PHACTR3: variants seen among roughly 807,000 people sequenced by gnomAD.
PHACTR3 encodes protein phosphatase 1, regulatory subunit 123.
Under a neutral mutation model 66.8 loss-of-function variants are expected in PHACTR3, and 16 were observed. The observed-to-expected ratio is 0.24, with a 90% CI of 0.16 to 0.36. The LOEUF (loss-of-function observed/expected upper bound fraction) is 0.36, where lower values mean the gene tolerates loss of function less well. PHACTR3 is among the 10% of genes least tolerant of loss of function. The probability of loss-of-function intolerance (pLI) is 1.00; values close to 1 mark genes in which losing one functional copy is unlikely to be tolerated. For synonymous variants in PHACTR3, 323 were observed against 292.1 expected, an observed-to-expected ratio of 1.11 and a Z score of -1.08; for missense variants, 647 against 719.9, an observed-to-expected ratio of 0.90 and a Z score of 1.16.
At chr20:59,582,689 A>T (rs1349547984) in intron 1 of PHACTR3, among the ~76,000 whole-genome samples, 7 of 151,980 alleles carry the variant, frequency 4.6e-5, no homozygotes, top group Admixed American at 4.6e-4. Context: ...TTCTTATGTG[A>T]CTTGGCCATT....
intron 1 of PHACTR3, among the ~76,000 whole-genome samples, chr20:59,606,961 A>C (rs2033692106): frequency 6.6e-6 from 1 of 152,192 alleles, no homozygotes; most frequent in Admixed American, 6.5e-5. Context: ...CAAGCAATTA[A>C]GTATTTATGG....
intron 4 of PHACTR3, among the ~76,000 whole-genome samples, chr20:59,756,140 G>A (rs1268419466): frequency 2.6e-5 from 4 of 152,144 alleles, no homozygotes; most frequent in African/African-American, 7.2e-5. Context: ...GGATAGAGGG[G>A]AGGAAAGCAG....
intron 1 of PHACTR3, among the ~76,000 whole-genome samples, chr20:59,700,311 G>A (rs1013004764): frequency 3.3e-5 from 5 of 152,240 alleles, no homozygotes; most frequent in East Asian, 1.9e-4. Flanking sequence ...AACATTCATC[G>A]ATGAATCAGT....
intron 6 of PHACTR3, among the ~76,000 whole-genome samples, chr20:59,773,692 A>G (rs1461194218): frequency 6.6e-6 from 1 of 152,236 alleles, no homozygotes; most frequent in Non-Finnish European, 1.5e-5. Context: ...GAACCTGGCC[A>G]CAAAGTCCTG....
chr20:59,585,774 A>T (rs2033010366), intron 1 of PHACTR3, among the ~76,000 whole-genome samples: 1 of 152,218 alleles, frequency 6.6e-6, no homozygotes, highest in South Asian at 2.1e-4. Flanking sequence ...CTTGCGGCTC[A>T]CAGGAGTTCC....
chr20:59,769,423 C>T (rs1280657293), intron 5 of PHACTR3, among the ~76,000 whole-genome samples: 1 of 152,210 alleles, frequency 6.6e-6, no homozygotes, highest in Non-Finnish European at 1.5e-5. Context: ...GGGACTGATG[C>T]ATCCACAGAA....
chr20:59,748,471 C>G (rs542099542), intron 3 of PHACTR3, among the ~76,000 whole-genome samples: 3 of 152,334 alleles, frequency 2.0e-5, no homozygotes, highest in Non-Finnish European at 2.9e-5. Flanking sequence ...AGAGCTTAAT[C>G]TCAGTGGGGT....
At chr20:59,749,006 T>A (rs2039477746) in intron 3 of PHACTR3, among the ~76,000 whole-genome samples, 1 of 152,326 alleles carries the variant, frequency 6.6e-6, no homozygotes, top group Non-Finnish European at 1.5e-5. Flanking sequence ...TTGATGATGC[T>A]ATTTTTAGGG....
intron 1 of PHACTR3, among the ~76,000 whole-genome samples, chr20:59,598,519 C>T (rs1326261596): frequency 1.3e-5 from 2 of 152,124 alleles, no homozygotes; most frequent in South Asian, 4.1e-4. Context: ...CTCCAGGAAG[C>T]CATGGGATGC....
chr20:59,629,588 C>T (rs563580574), intron 1 of PHACTR3, among the ~76,000 whole-genome samples: 1 of 152,224 alleles, frequency 6.6e-6, no homozygotes, highest in Non-Finnish European at 1.5e-5. Flanking sequence ...CTCCCTGGTT[C>T]TCTTCACATG....
chr20:59,828,679 G>GT (rs922440480), intron 8 of PHACTR3, among the ~76,000 whole-genome samples: 7 of 152,008 alleles, frequency 4.6e-5, no homozygotes, highest in African/African-American at 1.5e-4. Flanking sequence ...GCAGCTCGAC[G>GT]TGGGGCCATC....
chr20:59,795,593 C>T (rs879636016), intron 7 of PHACTR3, among the ~76,000 whole-genome samples: 1 of 152,016 alleles, frequency 6.6e-6, no homozygotes, highest in Admixed American at 6.5e-5. Flanking sequence ...ATATCACCTG[C>T]TATTATTGTG....
intron 3 of PHACTR3, among the ~76,000 whole-genome samples, chr20:59,748,459 A>G (rs915437894): frequency 1.6e-4 from 25 of 152,358 alleles, no homozygotes; most frequent in African/African-American, 6.0e-4. Context: ...TCTCTGGTCT[A>G]GAGAGCTTAA....
intron 1 of PHACTR3, chr20:59,721,220 C>T (rs1283013395): frequency 1.3e-5 from 2 of 152,282 alleles, no homozygotes; most frequent in African/African-American, 2.4e-5. Context: ...CATTCAAACC[C>T]AGTCCATTCT....
chr20:59,671,784 G>A (rs1321745575), intron 1 of PHACTR3, among the ~76,000 whole-genome samples: 1 of 152,242 alleles, frequency 6.6e-6, no homozygotes, highest in Non-Finnish European at 1.5e-5. Context: ...GCCAGGCTGC[G>A]TGGCTGCTGC....
chr20:59,609,442 C>G (rs560147125), intron 1 of PHACTR3, among the ~76,000 whole-genome samples: 1 of 152,252 alleles, frequency 6.6e-6, no homozygotes, highest in Admixed American at 6.5e-5. Flanking sequence ...CACGGGCCTC[C>G]TGGAGCCCAC....
At chr20:59,719,388 C>A (rs966467814) in intron 1 of PHACTR3, among the ~76,000 whole-genome samples, 1 of 152,174 alleles carries the variant, frequency 6.6e-6, no homozygotes, top group Non-Finnish European at 1.5e-5. Flanking sequence ...TGGTCTTGAA[C>A]TCCTGACCTT....
Position 59,845,668 on chromosome 20 carries a change from C to T in PHACTR3, c.1664+403C>T, listed in dbSNP as rs550997406. Among the ~76,000 whole-genome samples the T allele has an allele frequency of 1.9e-4, 29 of 152,242 alleles. No homozygotes were observed. In the South Asian group the frequency reaches 3.5e-3, roughly 19 times the overall value. ...CACCTTCACATTTACTTTTTCCTATCGTAAATTATTAGTCACATCTTTAAC... is the reference window on the plus strand; with the variant it reads ...CACCTTCACATTTACTTTTTCCTATTGTAAATTATTAGTCACATCTTTAAC... On this transcript the variant is annotated intron_variant, in intron 12 of 12. Transcript: ENST00000371015.
At chr20:59,817,571 TC>T (rs2145405713) in intron 8 of PHACTR3, among the ~76,000 whole-genome samples, 1 of 152,362 alleles carries the variant, frequency 6.6e-6, no homozygotes, top group East Asian at 1.9e-4. Flanking sequence ...CACAGCTCAT[TC>T]AACAGAGTAG....
Sources: gnomAD v4.1 joint callset for allele counts (sites outside exome capture counted in the v4.1 genomes callset) on GRCh38, gnomAD v4.1.1 for gene constraint, MANE v1.5 for transcripts, NCBI Gene and HGNC (gene_info 2026-07-23, HGNC 2026-07-21) for gene names.